The following VWA3B variants were observed in gnomAD, a reference collection of about 807,000 sequenced individuals.
VWA3B encodes the protein von Willebrand factor A domain-containing protein 3B.
Under a neutral mutation model 158.3 loss-of-function variants are expected in VWA3B, and 138 were observed. The ratio of observed to expected loss-of-function variants is 0.87; its 90% confidence interval spans 0.76 to 1.00. The LOEUF (loss-of-function observed/expected upper bound fraction) is 1.00. Ranked by LOEUF, VWA3B falls within the 50% of genes least tolerant of loss-of-function variation. The pLI is 0.00. For synonymous variants in VWA3B, 596 were observed against 587.3 expected (o/e 1.01, Z -0.21); for missense variants, 1,555 against 1,565.1 (o/e 0.99, Z 0.11).
rs552346402 is a variant in VWA3B, at chr2:98,261,989, A to C, written c.2843+5815A>C. The stretch of plus-strand genomic sequence containing the variant: ...GTTTTGTTTTTGTAGTGACCATCCT[A>C]ATGGATATGAAGGATATCTCATAGT... On this transcript the variant is annotated intron_variant, in intron 21 of 27. Transcript: ENST00000477737. 8.6e-5 allele frequency among the ~76,000 whole-genome samples: 13 copies of C among 151,868 alleles called. No homozygotes were observed. The South Asian group carries it at 2.7e-3, about 31-fold the overall frequency.
chr2:98,295,153 G>A, intron 23 of VWA3B, among the ~76,000 whole-genome samples: 1 of 152,116 alleles, frequency 6.6e-6, no homozygotes, highest in Non-Finnish European at 1.5e-5. Context: ...GGAGGGAGAA[G>A]CGGACACGAG....
At chr2:98,154,421 C>G (rs187267081) in intron 7 of VWA3B, among the ~76,000 whole-genome samples, 3 of 152,184 alleles carry the variant, frequency 2.0e-5, no homozygotes, top group Non-Finnish European at 4.4e-5. Flanking sequence ...TGCACCTTGC[C>G]CTCTTCCCTT....
chr2:98,162,721 TG>T, intron 7 of VWA3B, 129 bp from the exon 8 acceptor site: 2 of 1,284,660 alleles, frequency 1.6e-6, no homozygotes, highest in Non-Finnish European at 2.1e-6. Context: ...AAGAGATTAG[TG>T]GGGGAAGCGG....
chr2:98,121,490 A>G (rs745468826), intron 5 of VWA3B, 32 bp downstream of exon 5: 8 of 1,602,082 alleles, frequency 5.0e-6, no homozygotes, highest in Non-Finnish European at 6.8e-6. Context: ...GCCCCAGGCC[A>G]TGGAGGTGGC....
chr2:98,154,299 G>A (rs1677880089), intron 7 of VWA3B, among the ~76,000 whole-genome samples: 1 of 152,202 alleles, frequency 6.6e-6, no homozygotes, highest in Admixed American at 6.5e-5. Context: ...GTTCCCAGTC[G>A]GCGGGGAGCC....
In VWA3B at chr2:98,122,961, C is replaced by T. The variant is rs537567556; in HGVS notation, c.702+1503C>T. On this transcript the variant is annotated intron_variant, in intron 5 of 27. Coordinates refer to ENST00000477737, the MANE Select transcript of VWA3B (RefSeq NM_144992.5). Reference sequence around the variant, plus strand: ...CAGCACATGCAAGCCCTGCACAGACCGCTGTGCCCCTCTGCCCACAGCCTT... The same window carrying T: ...CAGCACATGCAAGCCCTGCACAGACTGCTGTGCCCCTCTGCCCACAGCCTT... Among the ~76,000 whole-genome samples the T allele has an allele frequency of 1.1e-4, 17 of 152,300 alleles. No individual in the cohort carries two copies. In the East Asian group the frequency reaches 2.1e-3, roughly 19 times the overall value.
downstream of VWA3B, among the ~76,000 whole-genome samples, chr2:98,315,064 G>A (rs774173201): frequency 1.3e-5 from 2 of 151,902 alleles, no homozygotes; most frequent in Non-Finnish European, 2.9e-5. Flanking sequence ...ACCAGAAATG[G>A]CAACTGATGG....
chr2:98,241,799 C>T (rs948870793), intron 19 of VWA3B, among the ~76,000 whole-genome samples: 3 of 152,044 alleles, frequency 2.0e-5, no homozygotes, highest in Non-Finnish European at 2.9e-5. Context: ...CGTAGGTAGG[C>T]ACTGCACAGC....
At chr2:98,316,942 C>T (rs999820438), downstream of VWA3B, among the ~76,000 whole-genome samples, 15 of 152,262 alleles carry the variant, frequency 9.9e-5, no homozygotes, top group African/African-American at 2.6e-4. Context: ...GTACATCCTG[C>T]GGAACCATGA....
the VWA3B span, among the ~76,000 whole-genome samples, chr2:98,324,830 A>G: frequency 6.6e-6 from 1 of 152,218 alleles, no homozygotes; most frequent in Non-Finnish European, 1.5e-5. Flanking sequence ...ATTAAAGTCA[A>G]AGAAAATATG....
At chr2:98,227,409 G>A (rs1377341936) in intron 14 of VWA3B, among the ~76,000 whole-genome samples, 1 of 152,154 alleles carries the variant, frequency 6.6e-6, no homozygotes, top group Non-Finnish European at 1.5e-5. Flanking sequence ...TATTCAGGAG[G>A]AATGAAAGCC....
chr2:98,305,031 T>G (rs1422719207), intron 26 of VWA3B, among the ~76,000 whole-genome samples: 2 of 152,114 alleles, frequency 1.3e-5, no homozygotes, highest in Non-Finnish European at 2.9e-5. Context: ...ACACGGGACC[T>G]CTCACGAGCC....
intron 10 of VWA3B, among the ~76,000 whole-genome samples, chr2:98,192,642 C>T (rs889318034): frequency 6.6e-6 from 1 of 152,180 alleles, no homozygotes; most frequent in East Asian, 1.9e-4. Flanking sequence ...ACAGCACCCA[C>T]AATGGATTTA....
chr2:98,147,911 T>C (rs968283581), intron 7 of VWA3B, among the ~76,000 whole-genome samples: 1 of 147,456 alleles, frequency 6.8e-6, no homozygotes, highest in Non-Finnish European at 1.5e-5. Flanking sequence ...CCAAGTGTTC[T>C]CATTGTTCAA....
At chr2:98,262,928 T>C (rs1039133920) in intron 21 of VWA3B, among the ~76,000 whole-genome samples, 1 of 151,918 alleles carries the variant, frequency 6.6e-6, no homozygotes, top group Non-Finnish European at 1.5e-5. Flanking sequence ...AAATGTCTTT[T>C]TTATTTATTT....
the VWA3B span, among the ~76,000 whole-genome samples, chr2:98,328,005 A>G: frequency 1.3e-5 from 2 of 152,024 alleles, no homozygotes; most frequent in Admixed American, 1.3e-4. Context: ...AACATCACCA[A>G]GGCACCTGTT....
chr2:98,228,303 G>A lies in VWA3B; in HGVS notation c.2121G>A (p.Trp707Ter), dbSNP rs1415835495. The A allele has an allele frequency of 2.5e-6, 4 of 1,613,964 alleles. No individual in the cohort carries two copies. Among genetic ancestry groups the A allele is most frequent in the Non-Finnish European group, 3.4e-6 (4 of 1,179,942 alleles). ...LYSESLIMDW[W>*]YNAEKDGDSK... ...CTGAGTCCTTGATCATGGACTGGTG[G>A]TACAATGCAGAAAAGGATGGAGACA... Residue 707 changes from tryptophan to a stop codon, truncating the protein, a stop_gained, in exon 15 of 28, where the codon TGG becomes TGA. Transcript: ENST00000477737. LOFTEE classifies it high-confidence loss of function.
chr2:98,194,917 C>CT (rs1023068259), intron 12 of VWA3B, among the ~76,000 whole-genome samples: 1 of 152,104 alleles, frequency 6.6e-6, no homozygotes, highest in Non-Finnish European at 1.5e-5. Flanking sequence ...ACAGTACAAT[C>CT]TGAGTGTTTA....
At chr2:98,235,518 A>G (rs11684612) in intron 17 of VWA3B, among the ~76,000 whole-genome samples, 93,021 of 151,352 alleles carry the variant, frequency 0.61, 28,860 homozygotes, top group South Asian at 0.84. Flanking sequence ...CTCTGCCTCC[A>G]CGGTTCAAGT....
Sources: gnomAD v4.1 joint callset for allele counts (sites outside exome capture counted in the v4.1 genomes callset) on GRCh38, gnomAD v4.1.1 for gene constraint, MANE v1.5 for transcripts, NCBI Gene and HGNC (gene_info 2026-07-23, HGNC 2026-07-21) for gene names.